Variants in LUC7L observed in about 807,000 individuals in gnomAD.
The protein encoded by LUC7L is LUC7 like.
In LUC7L, 29 loss-of-function variants were observed where a neutral mutation model predicts 51.1. The observed-to-expected ratio is 0.57, with a 90% CI of 0.42 to 0.77. The LOEUF (loss-of-function observed/expected upper bound fraction) is 0.77, where lower values mean the gene tolerates loss of function less well. Ranked by LOEUF, LUC7L falls within the 30% of genes least tolerant of loss-of-function variation. The probability of loss-of-function intolerance (pLI) is 0.00; values close to 1 mark genes in which losing one functional copy is unlikely to be tolerated. For synonymous variants in LUC7L, 181 were observed against 180.7 expected (o/e 1.00, Z -0.01); for missense variants, 403 against 511.9 (o/e 0.79, Z 2.05).
At chr16:229,058 G>T in intron 1 of LUC7L, 2 of 1,419,056 alleles carry the variant, frequency 1.4e-6, no homozygotes, top group South Asian at 1.5e-5. Context: ...CCCCATCCAT[G>T]GCGCAGACTC....
At chr16:226,467 G>A (rs752827477) in intron 2 of LUC7L, among the ~76,000 whole-genome samples, 8 of 152,062 alleles carry the variant, frequency 5.3e-5, no homozygotes, top group South Asian at 4.1e-4. Flanking sequence ...CAAAGCTAGC[G>A]TTTATCTGTT....
intron 7 of LUC7L, chr16:190,848 C>A: frequency 2.6e-6 from 1 of 385,944 alleles, no homozygotes; most frequent in Non-Finnish European, 4.6e-6. Context: ...CCACTGCACT[C>A]CAGCCTGGGC....
rs900865330 is a variant in LUC7L at position 215,726 on chromosome 16, C to T, written c.255+4923G>A. 5.3e-5 allele frequency among the ~76,000 whole-genome samples: 8 copies of T among 151,886 alleles called. No individual in the cohort carries two copies. In the East Asian group the frequency reaches 5.8e-4, roughly 11 times the overall value. ...GCTGCGGTGGGAAAATTGCTTGAACCGGGAAGGCAGAGATGGCAGTGAGCC... is the reference window on the plus strand; with the variant it reads ...GCTGCGGTGGGAAAATTGCTTGAACTGGGAAGGCAGAGATGGCAGTGAGCC... On this transcript the variant is annotated intron_variant, in intron 3 of 9. Coordinates refer to ENST00000293872, the MANE Select transcript of LUC7L (RefSeq NM_201412.3).
intron 4 of LUC7L, among the ~76,000 whole-genome samples, chr16:206,532 T>C (rs2049488529): frequency 6.6e-6 from 1 of 152,150 alleles, no homozygotes; most frequent in Non-Finnish European, 1.5e-5. Context: ...ATAGCACCGT[T>C]GGTCAAATTA....
chr16:215,528 G>A (rs2049768485), intron 3 of LUC7L, among the ~76,000 whole-genome samples: 2 of 151,838 alleles, frequency 1.3e-5, no homozygotes, highest in African/African-American at 4.8e-5. Context: ...GCTGAGGTAG[G>A]AGAGTTGCTT....
Position 225,455 on chromosome 16 carries a change from C to T in LUC7L, c.156+1787G>A, listed in dbSNP as rs563858884. ...GAGCCACGATCACATCACTGCACTCCAGCCTGGGCAACAAGAGCGAAACTC... is the reference window on the plus strand; with the variant it reads ...GAGCCACGATCACATCACTGCACTCTAGCCTGGGCAACAAGAGCGAAACTC... On this transcript the variant is annotated intron_variant, in intron 2 of 9. Coordinates refer to ENST00000293872, the MANE Select transcript of LUC7L (RefSeq NM_201412.3). 1.6e-3 allele frequency among the ~76,000 whole-genome samples: 239 copies of T among 148,828 alleles called. 2 individuals carry two copies. The highest frequency in any genetic ancestry group is 8.3e-4 in the Non-Finnish European group (56 of 67,284).
At chr16:207,352 A>G (rs1172640939) in intron 4 of LUC7L, among the ~76,000 whole-genome samples, 1 of 151,996 alleles carries the variant, frequency 6.6e-6, no homozygotes, top group Non-Finnish European at 1.5e-5. Context: ...CCTCCTGAGT[A>G]ACTGGGATAC....
intron 6 of LUC7L, among the ~76,000 whole-genome samples, chr16:198,017 C>T (rs1477726074): frequency 6.6e-6 from 1 of 152,002 alleles, no homozygotes; most frequent in Non-Finnish European, 1.5e-5. Flanking sequence ...GCCTGTGGTC[C>T]CAGCACTTTG....
At position 227,253 on chromosome 16, in the gene LUC7L, G is replaced by C; in HGVS notation, c.145C>G (p.Leu49Val). The C allele has an allele frequency of 6.2e-7, 1 of 1,612,878 alleles. No individual in the cohort carries two copies. Among genetic ancestry groups the C allele is most frequent in the Non-Finnish European group, 8.5e-7 (1 of 1,179,390 alleles). ...CAAAATGCACCTACCGTCCCAGCCA[G>C]GATGTCATGGGGGCAGCAGTCCAGA... ...HLLDCCPHDI[L>V]AGTRMDLGEC... Residue 49 changes from leucine to valine, a missense_variant, in exon 2 of 10, where the codon CTG becomes GTG. Physicochemically the swap from Leu to Val is conservative, Grantham distance 32. Around this residue, in one of 3 missense-constraint regions of LUC7L, gnomAD observed 182 missense variants for 248.4 expected, o/e 0.73. Coordinates refer to ENST00000293872, the MANE Select transcript of LUC7L (RefSeq NM_201412.3).
rs372406197 is a variant in LUC7L, at chr16:197,362, G to A, written c.687+1700C>T. Among the ~76,000 whole-genome samples, 35 of 151,484 alleles carry A rather than the reference G, an allele frequency of 2.3e-4. No individual in the cohort carries two copies. In the East Asian group the frequency reaches 4.9e-3, roughly 21 times the overall value. On this transcript the variant is annotated intron_variant, in intron 6 of 9. Coordinates refer to ENST00000293872, the MANE Select transcript of LUC7L (RefSeq NM_201412.3). ...CGAGTAGCCAGGATTACAGGCGCCCGCTGCCATGCCTGGCTAATTTTTGTA... is the reference window on the plus strand; with the variant it reads ...CGAGTAGCCAGGATTACAGGCGCCCACTGCCATGCCTGGCTAATTTTTGTA...
intron 9 of LUC7L, 77 bp downstream of exon 9, chr16:189,891 C>T (rs1313129601): frequency 4.4e-5 from 68 of 1,544,980 alleles, no homozygotes; most frequent in Non-Finnish European, 4.2e-5. Flanking sequence ...CCACCAGACA[C>T]GGCCCTCAGC....
intron 6 of LUC7L, among the ~76,000 whole-genome samples, chr16:196,032 G>T (rs1028777793): frequency 6.6e-6 from 1 of 152,060 alleles, no homozygotes; most frequent in African/African-American, 2.4e-5. Flanking sequence ...AAGGTAGAAG[G>T]GAAAAACATT....
chr16:190,912 G>A (rs984132820), intron 7 of LUC7L: 17 of 220,586 alleles, frequency 7.7e-5, no homozygotes, highest in South Asian at 3.5e-4. Context: ...ATGACTTCCC[G>A]AAAGCACCCC....
chr16:214,843 T>G (rs2049743077), intron 3 of LUC7L, among the ~76,000 whole-genome samples: 1 of 152,164 alleles, frequency 6.6e-6, no homozygotes, highest in Non-Finnish European at 1.5e-5. Flanking sequence ...ATCTTTACTA[T>G]AACCATGTTT....
intron 5 of LUC7L, 110 bp downstream of exon 5, chr16:205,894 T>G (rs1242065386): frequency 3.0e-6 from 4 of 1,322,810 alleles, no homozygotes; most frequent in Non-Finnish European, 4.2e-6. Context: ...GGGCCCAAAA[T>G]GTATAAATTT....
At chr16:221,116 T>G (rs887132385) in intron 2 of LUC7L, among the ~76,000 whole-genome samples, 1 of 151,514 alleles carries the variant, frequency 6.6e-6, no homozygotes, top group Middle Eastern at 3.2e-3. Context: ...GCCTCCGGGG[T>G]TCAGGCAATT....
intron 3 of LUC7L, among the ~76,000 whole-genome samples, chr16:210,416 T>C (rs2049606321): frequency 6.6e-6 from 1 of 152,184 alleles, no homozygotes; most frequent in African/African-American, 2.4e-5. Context: ...ACCTGTACAC[T>C]GGACTTTCTG....
At chr16:213,044 G>C (rs1295269099) in intron 3 of LUC7L, among the ~76,000 whole-genome samples, 1 of 152,162 alleles carries the variant, frequency 6.6e-6, no homozygotes, top group Non-Finnish European at 1.5e-5. Flanking sequence ...TGGGATTACA[G>C]GCGTGAGCGC....
chr16:212,013 G>T (rs898495940), intron 3 of LUC7L, among the ~76,000 whole-genome samples: 1 of 152,244 alleles, frequency 6.6e-6, no homozygotes, highest in African/African-American at 2.4e-5. Context: ...CCGCAGAGGG[G>T]CCGGGCGCGG....
Sources: allele counts gnomAD v4.1 joint callset (sites outside exome capture counted in the v4.1 genomes callset), GRCh38; gene constraint gnomAD v4.1.1; regional missense constraint gnomAD v4.1.1; transcripts MANE v1.5; gene names NCBI Gene and HGNC (gene_info 2026-07-23, HGNC 2026-07-21).